The following PAPOLA variants were observed in gnomAD, a reference collection of about 807,000 sequenced individuals.
PAPOLA encodes polynucleotide adenylyltransferase alpha.
Under a neutral mutation model 100.6 loss-of-function variants are expected in PAPOLA, and 15 were observed. That is an observed-to-expected ratio of 0.15 (90% CI 0.10 to 0.23). PAPOLA has a LOEUF of 0.23. Among genes scored for constraint, PAPOLA ranks in the 10% least tolerant of loss-of-function variants. The pLI is 1.00. For synonymous variants in PAPOLA, 293 were observed against 300.0 expected, an observed-to-expected ratio of 0.98 and a Z score of 0.24; for missense variants, 533 against 884.2, an observed-to-expected ratio of 0.60 and a Z score of 5.04.
chr14:96,541,333 A>T (rs1486274153), intron 12 of PAPOLA, among the ~76,000 whole-genome samples: 2 of 152,178 alleles, frequency 1.3e-5, no homozygotes, highest in Non-Finnish European at 2.9e-5. Flanking sequence ...CAAAGAGTAA[A>T]ATAATTTTAA....
At chr14:96,535,165 GA>G (rs1298882912) in intron 10 of PAPOLA, 3 of 929,110 alleles carry the variant, frequency 3.2e-6, no homozygotes, top group Non-Finnish European at 1.3e-6. Context: ...ACTGATAAAA[GA>G]AATTTAGGTT....
chr14:96,515,404 C>A (rs1209846328), intron 1 of PAPOLA, among the ~76,000 whole-genome samples: 1 of 152,014 alleles, frequency 6.6e-6, no homozygotes, highest in Non-Finnish European at 1.5e-5. Flanking sequence ...TTATGTGTAA[C>A]TCTGATCCAG....
chr14:96,504,449 TC>T (rs1254168881), intron 1 of PAPOLA: 1 of 152,288 alleles, frequency 6.6e-6, no homozygotes, highest in African/African-American at 2.4e-5. Context: ...ACGCCTGTAA[TC>T]CCAGCACTTT....
chr14:96,530,151 A>G (rs1042635566), intron 6 of PAPOLA, among the ~76,000 whole-genome samples: 1 of 152,196 alleles, frequency 6.6e-6, no homozygotes, highest in Non-Finnish European at 1.5e-5. Flanking sequence ...GCTGAATATA[A>G]GGCTATTTGC....
chr14:96,516,175 T>C (rs1469332689), intron 1 of PAPOLA, among the ~76,000 whole-genome samples: 1 of 152,236 alleles, frequency 6.6e-6, no homozygotes, highest in East Asian at 1.9e-4. Context: ...TTTGGACGTT[T>C]GAAACATCTG....
At chr14:96,522,567 C>G (rs966235902) in intron 3 of PAPOLA, among the ~76,000 whole-genome samples, 4 of 152,096 alleles carry the variant, frequency 2.6e-5, no homozygotes, top group Non-Finnish European at 5.9e-5. Flanking sequence ...TGGGCACCAC[C>G]AAGCCTGGCT....
chr14:96,533,127 G>A (rs950164667), intron 9 of PAPOLA: 10 of 982,590 alleles, frequency 1.0e-5, no homozygotes, highest in Non-Finnish European at 1.2e-5. Flanking sequence ...TTAACATTAA[G>A]TGCTTCGGGA....
chr14:96,547,104 C>T (rs1400549800), intron 15 of PAPOLA, among the ~76,000 whole-genome samples: 1 of 152,046 alleles, frequency 6.6e-6, no homozygotes, highest in East Asian at 1.9e-4. Flanking sequence ...TTATTCTATT[C>T]TCCCTACTGT....
At chr14:96,535,778 A>G in intron 10 of PAPOLA, 101 bp from the exon 11 acceptor site, 1 of 1,076,118 alleles carries the variant, frequency 9.3e-7, no homozygotes. Context: ...TATGAATGAA[A>G]TAAAAAATAG....
intron 17 of PAPOLA, chr14:96,553,420 A>T (rs548974682): frequency 1.5e-4 from 23 of 151,282 alleles, no homozygotes; most frequent in African/African-American, 5.1e-4. Flanking sequence ...CTGAGGTGGG[A>T]GGATTGCTTG....
At chr14:96,534,707 A>G in intron 10 of PAPOLA, 144 bp downstream of exon 10, 6 of 1,472,144 alleles carry the variant, frequency 4.1e-6, no homozygotes, top group South Asian at 2.8e-5. Context: ...AACCTCAACT[A>G]TAATTGTCCT....
Position 96,520,177 on chromosome 14 carries a change from A to C in PAPOLA, c.131A>C (p.Glu44Ala), listed in dbSNP as rs777665176. The change falls in exon 2 of 22, where the codon GAG becomes GCG. Residue 44 changes from glutamate (E) to alanine (A), a missense_variant. Physicochemically the swap from Glu to Ala is moderately radical, Grantham distance 107. Coordinates refer to ENST00000216277, the MANE Select transcript of PAPOLA (RefSeq NM_032632.5). ...TGCGTACTTACACAGAAACTAATTG[A>C]GACATTGAAACCCTTTGGGGTTTTT... is the stretch of plus-strand genomic sequence containing the variant. Reference protein sequence around the residue: ...TDCVLTQKLIETLKPFGVFEE... With the variant: ...TDCVLTQKLIATLKPFGVFEE... The C allele has an allele frequency of 6.2e-7, 1 of 1,614,018 alleles. No homozygotes were observed. Among genetic ancestry groups the C allele is most frequent in the Non-Finnish European group, 8.5e-7 (1 of 1,179,888 alleles).
rs576020923 is a variant in PAPOLA at position 96,523,815 on chromosome 14, C to T, written c.250-1495C>T. 5.1e-4 allele frequency among the ~76,000 whole-genome samples: 77 copies of T among 151,962 alleles called. 2 individuals carry two copies. Among genetic ancestry groups the T allele is most frequent in the Admixed American group, 5.9e-4 (9 of 15,260 alleles). Reference sequence around the variant, plus strand: ...AAAATTAGCTGGGCGTGGTAGTGCGCGCCTGTAATCCCAGCTACTCAGGAG... The same window carrying T: ...AAAATTAGCTGGGCGTGGTAGTGCGTGCCTGTAATCCCAGCTACTCAGGAG... On this transcript the variant is annotated intron_variant, in intron 3 of 21. Transcript: ENST00000216277.
Position 96,542,873 on chromosome 14 carries a change from AC to A in PAPOLA, c.1272del (p.Glu426LysfsTer13). 1 of 1,611,992 alleles carries A rather than the reference AC, an allele frequency of 6.2e-7. No individual in the cohort carries two copies. The highest frequency in any genetic ancestry group is 8.5e-7 in the Non-Finnish European group (1 of 1,179,426). Reference protein sequence around the residue: ...AHVNPQSFPAPKENPDKEEFR... With the variant: ...AHVNPQSFPAXKENPDKEEFR... ...ATGTGAATCCCCAGTCATTTCCAGC[AC>A]CCAAAGAAAATCCCGACAAGTAAGC... On this transcript the variant is annotated frameshift_variant, in exon 14 of 22. Transcript: ENST00000216277. LOFTEE classifies it high-confidence loss of function.
intron 1 of PAPOLA, among the ~76,000 whole-genome samples, chr14:96,515,125 A>G (rs1161971190): frequency 1.3e-5 from 2 of 152,268 alleles, no homozygotes; most frequent in African/African-American, 4.8e-5. Context: ...GAACTAGAAT[A>G]GTTGAAAACG....
At chr14:96,536,788 T>C (rs1858038189) in intron 11 of PAPOLA, 188 bp from the exon 12 acceptor site, 1 of 421,806 alleles carries the variant, frequency 2.4e-6, no homozygotes, top group East Asian at 3.4e-5. Flanking sequence ...TCTCAAAAAA[T>C]CTTCCAGCTT....
intron 16 of PAPOLA, among the ~76,000 whole-genome samples, chr14:96,549,786 G>A (rs1246433416): frequency 6.6e-6 from 1 of 152,114 alleles, no homozygotes; most frequent in Non-Finnish European, 1.5e-5. Context: ...CTTTCTAATT[G>A]TCCTTTAGTG....
chr14:96,510,453 A>G (rs1238337576), intron 1 of PAPOLA, among the ~76,000 whole-genome samples: 1 of 138,760 alleles, frequency 7.2e-6, no homozygotes, highest in Non-Finnish European at 1.5e-5. Context: ...TCCTAGCCAT[A>G]TGAGAGAGAG....
Position 96,535,985 on chromosome 14 carries a change from A to G in PAPOLA, c.1016A>G (p.Glu339Gly). 1 of 1,602,382 alleles carries G rather than the reference A, an allele frequency of 6.2e-7. No individual in the cohort carries two copies. Among genetic ancestry groups the G allele is most frequent in the East Asian group, 2.3e-5 (1 of 44,404 alleles). ...GTTTCAACACGGATGGTCATGGTTGAGGAGTTTAAACAAGGTAAGTGTTTA... is the reference window on the plus strand; with the variant it reads ...GTTTCAACACGGATGGTCATGGTTGGGGAGTTTAAACAAGGTAAGTGTTTA... ...VSVSTRMVMV[E>G]EFKQGLAITD... is the part of the protein sequence containing the mutation. The change falls in exon 11 of 22, where the codon GAG (glutamate) becomes GGG (glycine). Residue 339 changes from glutamate (E) to glycine (G), a missense_variant. Glu to Gly is a moderately conservative substitution (Grantham distance 98). Around this residue, in one of 9 missense-constraint regions of PAPOLA, gnomAD observed 87 missense variants for 173.3 expected, o/e 0.50. Transcript: ENST00000216277.
Sources: gnomAD v4.1 joint callset for allele counts (sites outside exome capture counted in the v4.1 genomes callset) on GRCh38, gnomAD v4.1.1 for gene constraint, gnomAD v4.1.1 regional missense constraint, MANE v1.5 for transcripts, NCBI Gene and HGNC (gene_info 2026-07-23, HGNC 2026-07-21) for gene names.